The following FAM107B variants were observed in gnomAD, a reference collection of about 807,000 sequenced individuals.
FAM107B encodes the protein protein FAM107B.
Under a neutral mutation model 31.5 loss-of-function variants are expected in FAM107B, and 21 were observed. The ratio of observed to expected loss-of-function variants is 0.67; its 90% CI spans 0.47 to 0.96. The LOEUF (loss-of-function observed/expected upper bound fraction) is 0.96, where lower values mean the gene tolerates loss of function less well. Among genes scored for constraint, FAM107B ranks in the 40% least tolerant of loss-of-function variants. The pLI, the probability that FAM107B is intolerant of heterozygous loss-of-function variation, is 0.00. For missense variants in FAM107B, 452 were observed against 377.1 expected (o/e 1.20, Z -1.64); for synonymous variants, 157 against 141.5 (o/e 1.11, Z -0.78).
chr10:14,651,434 C>T (rs957836989), intron 2 of FAM107B, among the ~76,000 whole-genome samples: 13 of 152,222 alleles, frequency 8.5e-5, no homozygotes, highest in African/African-American at 3.1e-4. Context: ...GGAGAGACCC[C>T]GTCACTACTA....
chr10:14,631,821 C>A (rs1588671246), intron 2 of FAM107B, among the ~76,000 whole-genome samples: 1 of 152,240 alleles, frequency 6.6e-6, no homozygotes, highest in Admixed American at 6.5e-5. Flanking sequence ...AGGTCCAGTG[C>A]AACATGGAAA....
At chr10:14,625,251 T>TGTGC (rs1224954150) in intron 2 of FAM107B, among the ~76,000 whole-genome samples, 3 of 106,762 alleles carry the variant, frequency 2.8e-5, no homozygotes, top group Non-Finnish European at 6.7e-5. Context: ...AGGAATGTCG[T>TGTGC]GTGCGTGCGT....
chr10:14,668,496 A>T (rs1170262704), intron 1 of FAM107B, among the ~76,000 whole-genome samples: 1 of 152,206 alleles, frequency 6.6e-6, no homozygotes, highest in Non-Finnish European at 1.5e-5. Flanking sequence ...AGGTGTACAC[A>T]TTCTTGTCTG....
intron 2 of FAM107B, among the ~76,000 whole-genome samples, chr10:14,558,825 T>C (rs969746190): frequency 6.6e-6 from 1 of 152,084 alleles, no homozygotes; most frequent in Non-Finnish European, 1.5e-5. Flanking sequence ...CCTGATGAAC[T>C]TGAATTCTTA....
chr10:14,618,654 T>C (rs1852914362), intron 2 of FAM107B, among the ~76,000 whole-genome samples: 3 of 152,194 alleles, frequency 2.0e-5, no homozygotes, highest in South Asian at 2.1e-4. Context: ...CTGGCCAACA[T>C]AGCGAAATCC....
At chr10:14,651,536 A>G (rs1853899343) in intron 2 of FAM107B, among the ~76,000 whole-genome samples, 1 of 152,338 alleles carries the variant, frequency 6.6e-6, no homozygotes, top group Admixed American at 6.5e-5. Flanking sequence ...TGGGAAGCAG[A>G]GGTTGCAGTG....
chr10:14,761,137 T>C (rs1439734312), intron 1 of FAM107B, among the ~76,000 whole-genome samples: 1 of 152,192 alleles, frequency 6.6e-6, no homozygotes, highest in Non-Finnish European at 1.5e-5. Context: ...AGGTTATTTC[T>C]TTTGTGCTTA....
intron 2 of FAM107B, among the ~76,000 whole-genome samples, chr10:14,599,455 ACAC>A (rs1052839907): frequency 2.0e-5 from 3 of 152,176 alleles, no homozygotes; most frequent in Non-Finnish European, 4.4e-5. Context: ...CACGCCCCCA[ACAC>A]CACTACAGAC....
chr10:14,715,014 G>A (rs7341999), intron 1 of FAM107B, among the ~76,000 whole-genome samples: 13,666 of 152,184 alleles, frequency 0.09, 655 homozygotes, highest in East Asian at 0.15. Flanking sequence ...CCATGGTCCT[G>A]TAGTGAAGTC....
At chr10:14,660,570 T>C (rs1376640358) in intron 2 of FAM107B, among the ~76,000 whole-genome samples, 1 of 152,166 alleles carries the variant, frequency 6.6e-6, no homozygotes, top group Admixed American at 6.5e-5. Flanking sequence ...ACAAATAAAA[T>C]TAGTAAGTGA....
At chr10:14,766,571 T>C (rs969565729) in intron 1 of FAM107B, among the ~76,000 whole-genome samples, 2 of 151,940 alleles carry the variant, frequency 1.3e-5, no homozygotes, top group Non-Finnish European at 2.9e-5. Flanking sequence ...CTGAGGGAAA[T>C]AGGGAGCATT....
chr10:14,761,424 T>C (rs574721095), intron 1 of FAM107B, among the ~76,000 whole-genome samples: 34 of 152,294 alleles, frequency 2.2e-4, no homozygotes, highest in Admixed American at 1.6e-3. Context: ...TTTCTCCACA[T>C]TGAGGCTTTT....
At chr10:14,569,361 A>C (rs987903652) in intron 2 of FAM107B, among the ~76,000 whole-genome samples, 1 of 152,158 alleles carries the variant, frequency 6.6e-6, no homozygotes, top group Non-Finnish European at 1.5e-5. Flanking sequence ...GGGAGGGTAC[A>C]TGTTGTGTTG....
intron 2 of FAM107B, among the ~76,000 whole-genome samples, chr10:14,606,177 C>T (rs541719609): frequency 6.6e-6 from 1 of 152,280 alleles, no homozygotes; most frequent in Non-Finnish European, 1.5e-5. Flanking sequence ...TGGCCCTGCT[C>T]TGTGATGAAG....
At chr10:14,532,910 C>T (rs577460579) in intron 2 of FAM107B, among the ~76,000 whole-genome samples, 54 of 152,192 alleles carry the variant, frequency 3.5e-4, no homozygotes, top group African/African-American at 1.2e-3. Context: ...AAGAGCGGGC[C>T]GTGATCAGCA....
At chr10:14,569,242 G>A (rs1475591687) in intron 2 of FAM107B, among the ~76,000 whole-genome samples, 1 of 152,162 alleles carries the variant, frequency 6.6e-6, no homozygotes, top group Non-Finnish European at 1.5e-5. Context: ...TCATGGGTTT[G>A]CAGATATAAC....
At position 14,693,490 on chromosome 10, in the gene FAM107B, G is replaced by C. The variant is rs570284249; in HGVS notation, c.412-25799C>G. Among the ~76,000 whole-genome samples the C allele has an allele frequency of 3.9e-3, 555 of 143,040 alleles. 4 individuals carry two copies. The highest frequency in any genetic ancestry group is 6.1e-3 in the Non-Finnish European group (399 of 64,884). The allele number at this position is 143,040 out of a possible 152,430, so 93.8% of individuals were successfully genotyped here. On this transcript the variant is annotated intron_variant, in intron 1 of 4. Coordinates refer to ENST00000181796, the MANE Select transcript of FAM107B (RefSeq NM_031453.4). ...GACACCGTCTCAAAAAAAAAAAAAA[G>C]GTATACAACAGGACACTATGGGATA...
intron 2 of FAM107B, among the ~76,000 whole-genome samples, chr10:14,619,938 T>A (rs970773918): frequency 1.3e-5 from 2 of 151,964 alleles, no homozygotes; most frequent in Non-Finnish European, 2.9e-5. Flanking sequence ...CTATGTCTTA[T>A]ACATTGATGA....
At chr10:14,608,017 C>CT (rs111780281) in intron 2 of FAM107B, among the ~76,000 whole-genome samples, 16,973 of 152,196 alleles carry the variant, frequency 0.11, 1,061 homozygotes, top group East Asian at 0.19. Flanking sequence ...GCAGAAATGA[C>CT]TATTTGGGGA....
Sources: gnomAD v4.1 joint callset for allele counts (sites outside exome capture counted in the v4.1 genomes callset) on GRCh38, gnomAD v4.1.1 for gene constraint, MANE v1.5 for transcripts, NCBI Gene and HGNC (gene_info 2026-07-23, HGNC 2026-07-21) for gene names.